The following ST6GALNAC5 variants were observed in gnomAD, a reference collection of about 807,000 sequenced individuals.
ST6GALNAC5 encodes ST6 N-acetylgalactosaminide alpha-2,6-sialyltransferase 5.
ST6GALNAC5 carries 27 observed loss-of-function variants against 33.6 expected under a neutral mutation model. The ratio of observed to expected loss-of-function variants is 0.80; its 90% confidence interval spans 0.59 to 1.11. ST6GALNAC5 has a LOEUF of 1.11. Ranked by LOEUF, ST6GALNAC5 falls within the 50% of genes least tolerant of loss-of-function variation. The pLI, the probability that ST6GALNAC5 is intolerant of heterozygous loss-of-function variation, is 0.00. For missense variants in ST6GALNAC5, 428 were observed against 454.0 expected (o/e 0.94, Z 0.52); for synonymous variants, 194 against 171.2 (o/e 1.13, Z -1.04).
chr1:76,947,528 G>A (rs1647567908), intron 2 of ST6GALNAC5, among the ~76,000 whole-genome samples: 1 of 152,070 alleles, frequency 6.6e-6, no homozygotes, highest in South Asian at 2.1e-4. Context: ...CTTGAGCTCA[G>A]AAGTTTGAGA....
intron 4 of ST6GALNAC5, among the ~76,000 whole-genome samples, chr1:77,055,792 G>A (rs1652377295): frequency 1.3e-5 from 2 of 152,202 alleles, no homozygotes; most frequent in African/African-American, 2.4e-5. Flanking sequence ...GGCTCCTTAA[G>A]AGGAGGGCCC....
intron 2 of ST6GALNAC5, among the ~76,000 whole-genome samples, chr1:76,942,820 C>T (rs1224604201): frequency 6.6e-6 from 1 of 152,102 alleles, no homozygotes; most frequent in Non-Finnish European, 1.5e-5. Flanking sequence ...CCTCCACAGA[C>T]ATTTAGAACA....
intron 2 of ST6GALNAC5, among the ~76,000 whole-genome samples, chr1:76,938,823 G>A (rs1647258634): frequency 6.6e-6 from 1 of 152,130 alleles, no homozygotes; most frequent in African/African-American, 2.4e-5. Flanking sequence ...TTCAGCCTGA[G>A]TGGACCCCCT....
chr1:76,944,235 C>G (rs1353285376), intron 2 of ST6GALNAC5, among the ~76,000 whole-genome samples: 1 of 152,014 alleles, frequency 6.6e-6, no homozygotes, highest in Non-Finnish European at 1.5e-5. Context: ...GATTCCTTTT[C>G]TTTTTATTAT....
chr1:77,009,293 G>A lies in ST6GALNAC5; in HGVS notation c.262-34911G>A, dbSNP rs538016588. Among the ~76,000 whole-genome samples the A allele has an allele frequency of 1.2e-4, 19 of 152,282 alleles. No individual in the cohort carries two copies. The South Asian group carries it at 3.5e-3, about 28-fold the overall frequency. ...CTTAGCTGGGCCCAGTGAGAGTTTG[G>A]TTGAGAGTAGATTTTGGTGGATGGG... On this transcript the variant is annotated intron_variant, in intron 2 of 4. Transcript: ENST00000477717.
At chr1:77,054,321 T>C (rs1652321122) in intron 4 of ST6GALNAC5, among the ~76,000 whole-genome samples, 1 of 152,212 alleles carries the variant, frequency 6.6e-6, no homozygotes, top group African/African-American at 2.4e-5. Context: ...ATTCCACTGA[T>C]TCTATCAGGT....
chr1:76,991,317 A>G (rs1933394), intron 2 of ST6GALNAC5, among the ~76,000 whole-genome samples: 5,844 of 152,314 alleles, frequency 0.038, 198 homozygotes, highest in African/African-American at 0.095. Context: ...TAAAGAAAAC[A>G]TTAAGCCTGA....
At chr1:77,011,197 A>C (rs1376114949) in intron 2 of ST6GALNAC5, among the ~76,000 whole-genome samples, 2 of 152,314 alleles carry the variant, frequency 1.3e-5, no homozygotes, top group Admixed American at 6.5e-5. Context: ...GATGAGGCTA[A>C]TGAGAGCTTT....
intron 2 of ST6GALNAC5, among the ~76,000 whole-genome samples, chr1:77,017,709 A>G (rs12064923): frequency 0.034 from 5,214 of 152,322 alleles, 234 homozygotes; most frequent in African/African-American, 0.099. Context: ...TTTGCTGAAT[A>G]TTATTAAAAG....
At chr1:77,031,879 A>C (rs78300762) in intron 2 of ST6GALNAC5, among the ~76,000 whole-genome samples, 3,590 of 152,288 alleles carry the variant, frequency 0.024, 73 homozygotes, top group Non-Finnish European at 0.031. Context: ...ACTTTGTAGG[A>C]AAGAGAGACA....
chr1:76,908,011 C>T (rs532567730), intron 2 of ST6GALNAC5, among the ~76,000 whole-genome samples: 1 of 152,116 alleles, frequency 6.6e-6, no homozygotes, highest in Non-Finnish European at 1.5e-5. Context: ...TTCCTATGCA[C>T]ACAATTAGCC....
chr1:77,007,052 C>G (rs976350498), intron 2 of ST6GALNAC5, among the ~76,000 whole-genome samples: 6 of 152,178 alleles, frequency 3.9e-5, no homozygotes, highest in Non-Finnish European at 7.3e-5. Context: ...CAAGTCTTTG[C>G]CTATATTATG....
intron 2 of ST6GALNAC5, among the ~76,000 whole-genome samples, chr1:76,996,509 T>G (rs115396721): frequency 6.6e-6 from 1 of 152,208 alleles, no homozygotes; most frequent in Non-Finnish European, 1.5e-5. Flanking sequence ...CTATCCTGCT[T>G]GCAGTTGCAA....
chr1:76,910,373 T>C, intron 2 of ST6GALNAC5, among the ~76,000 whole-genome samples: 1 of 152,068 alleles, frequency 6.6e-6, no homozygotes, highest in East Asian at 1.9e-4. Flanking sequence ...AGATGTGTGA[T>C]TTTTTTAATC....
At position 77,050,300 on chromosome 1, in the gene ST6GALNAC5, G is replaced by A. The variant is rs776188480; in HGVS notation, c.714G>A (p.Met238Ile). The A allele has an allele frequency of 1.4e-5, 23 of 1,613,950 alleles. No individual in the cohort carries two copies. In the South Asian group the frequency reaches 2.4e-4, roughly 17 times the overall value. ...NTWLSTGWFT[M>I]TIALELCDRI... Reference sequence around the variant, plus strand: ...GGCTCAGCACTGGCTGGTTTACAATGACAATTGCACTGGAGCTCTGTGACA... The same window carrying A: ...GGCTCAGCACTGGCTGGTTTACAATAACAATTGCACTGGAGCTCTGTGACA... The change falls in exon 4 of 5, where the codon ATG becomes ATA. Residue 238 changes from methionine to isoleucine, a missense_variant. Coordinates refer to ENST00000477717, the MANE Select transcript of ST6GALNAC5 (RefSeq NM_030965.3).
intron 2 of ST6GALNAC5, among the ~76,000 whole-genome samples, chr1:76,964,297 G>A (rs1648366537): frequency 6.6e-6 from 1 of 152,248 alleles, no homozygotes; most frequent in African/African-American, 2.4e-5. Context: ...CCTGCTTCCA[G>A]TTCTGTCCTT....
At chr1:77,007,108 T>C (rs1045069308) in intron 2 of ST6GALNAC5, among the ~76,000 whole-genome samples, 3 of 152,184 alleles carry the variant, frequency 2.0e-5, no homozygotes, top group African/African-American at 7.2e-5. Context: ...CCAAGCCCAG[T>C]GTCAGTATAG....
chr1:76,967,497 G>C (rs1247716426), intron 2 of ST6GALNAC5, among the ~76,000 whole-genome samples: 2 of 152,058 alleles, frequency 1.3e-5, no homozygotes, highest in Admixed American at 6.5e-5. Flanking sequence ...AGTCTTGCTA[G>C]CAGTCTATCA....
At position 77,063,182 on chromosome 1, in the gene ST6GALNAC5, T is replaced by C; in HGVS notation, c.987T>C (p.His329=). The C allele has an allele frequency of 1.9e-6, 3 of 1,613,636 alleles. No individual in the cohort carries two copies. Among genetic ancestry groups the C allele is most frequent in the East Asian group, 4.5e-5 (2 of 44,856 alleles). Residue 329 remains histidine (H), a synonymous_variant, in exon 5 of 5, where the codon CAT becomes CAC. Coordinates refer to ENST00000477717, the MANE Select transcript of ST6GALNAC5 (RefSeq NM_030965.3). ...DWKPESLAIN[H]PENKPVF ...AACCAGAATCACTTGCTATAAATCATCCTGAGAATAAACCTGTGTTCTAAG... is the reference window on the plus strand; with the variant it reads ...AACCAGAATCACTTGCTATAAATCACCCTGAGAATAAACCTGTGTTCTAAG...
Sources: gnomAD v4.1 joint callset for allele counts (sites outside exome capture counted in the v4.1 genomes callset) on GRCh38, gnomAD v4.1.1 for gene constraint, MANE v1.5 for transcripts, NCBI Gene and HGNC (gene_info 2026-07-23, HGNC 2026-07-21) for gene names.